CCSER1: variants seen among roughly 807,000 people sequenced by gnomAD.
The protein encoded by CCSER1 is coiled-coil serine rich protein 1.
A neutral mutation model predicts 82.0 loss-of-function variants in CCSER1; 41 were observed. The ratio of observed to expected loss-of-function variants is 0.50; its 90% CI spans 0.39 to 0.65. CCSER1 has a LOEUF of 0.65. CCSER1 is among the 30% of genes least tolerant of loss of function. The pLI is 0.00. For missense variants in CCSER1, 1,119 were observed against 1,064.2 expected (o/e 1.05, Z -0.72); for synonymous variants, 414 against 383.9 (o/e 1.08, Z -0.92).
At chr4:90,409,561 T>C (rs1754342382) in intron 4 of CCSER1, among the ~76,000 whole-genome samples, 1 of 152,116 alleles carries the variant, frequency 6.6e-6, no homozygotes, top group South Asian at 2.1e-4. Flanking sequence ...AATAAAATCC[T>C]TTACATACAA....
intron 10 of CCSER1, among the ~76,000 whole-genome samples, chr4:91,535,477 CA>C (rs1761250733): frequency 9.1e-6 from 1 of 109,552 alleles, no homozygotes; most frequent in Non-Finnish European, 1.8e-5. Flanking sequence ...AAATAAAAAA[CA>C]ACAAGAATAA....
chr4:90,691,630 A>G (rs553259304), intron 6 of CCSER1, among the ~76,000 whole-genome samples: 15 of 149,584 alleles, frequency 1.0e-4, no homozygotes, highest in East Asian at 5.8e-4. Context: ...ATGTGTATGT[A>G]TATATATCAC....
In CCSER1 at chr4:91,133,010, T is replaced by C. The variant is rs543554341; in HGVS notation, c.2217+47016T>C. On this transcript the variant is annotated intron_variant, in intron 10 of 10. Transcript: ENST00000509176. Reference sequence around the variant, plus strand: ...ATTTTGTCAGGGCTTTATTTATGTTTGAAACAAATTCATTAGCATAGGGAA... The same window carrying C: ...ATTTTGTCAGGGCTTTATTTATGTTCGAAACAAATTCATTAGCATAGGGAA... Among the ~76,000 whole-genome samples the C allele has an allele frequency of 3.9e-5, 6 of 152,346 alleles. No individual in the cohort carries two copies. In the East Asian group the frequency reaches 9.6e-4, roughly 24 times the overall value.
intron 1 of CCSER1, among the ~76,000 whole-genome samples, chr4:90,157,427 C>G (rs1728463511): frequency 7.0e-6 from 1 of 143,674 alleles, no homozygotes; most frequent in Non-Finnish European, 1.6e-5. Context: ...GCCTGCCTTG[C>G]TAGATTGGGG....
At chr4:91,159,407 G>A (rs990980170) in intron 10 of CCSER1, among the ~76,000 whole-genome samples, 3 of 151,738 alleles carry the variant, frequency 2.0e-5, no homozygotes, top group Admixed American at 6.6e-5. Flanking sequence ...AGTGTTTTCC[G>A]ATAAAAATAT....
intron 10 of CCSER1, among the ~76,000 whole-genome samples, chr4:91,257,501 A>ACACACACACC (rs1288846438): frequency 2.1e-5 from 3 of 145,974 alleles, no homozygotes; most frequent in African/African-American, 7.6e-5. Flanking sequence ...ACACACACAC[A>ACACACACACC]CCCATTTCTG....
intron 10 of CCSER1, among the ~76,000 whole-genome samples, chr4:91,540,589 T>C (rs924425452): frequency 1.4e-4 from 21 of 152,190 alleles, no homozygotes; most frequent in African/African-American, 4.3e-4. Context: ...ATTTCTTTTA[T>C]AGATTGTGCC....
chr4:91,026,047 A>G (rs1740461392), intron 9 of CCSER1, among the ~76,000 whole-genome samples: 2 of 152,246 alleles, frequency 1.3e-5, no homozygotes, highest in Non-Finnish European at 2.9e-5. Flanking sequence ...ACTTGTTAGT[A>G]TCCTGTAAAT....
At chr4:91,213,561 CT>C (rs112376963) in intron 10 of CCSER1, among the ~76,000 whole-genome samples, 8,718 of 152,226 alleles carry the variant, frequency 0.057, 497 homozygotes, top group African/African-American at 0.15. Context: ...AGACATTGCA[CT>C]TTAAGTGGCA....
chr4:91,195,764 C>T (rs1473041632), intron 10 of CCSER1, among the ~76,000 whole-genome samples: 1 of 152,172 alleles, frequency 6.6e-6, no homozygotes, highest in Non-Finnish European at 1.5e-5. Flanking sequence ...TCTCTCACAT[C>T]ATTCTGCGTG....
intron 3 of CCSER1, among the ~76,000 whole-genome samples, chr4:90,351,091 A>G (rs1398543294): frequency 2.6e-5 from 4 of 152,312 alleles, no homozygotes; most frequent in Non-Finnish European, 5.9e-5. Flanking sequence ...AGATATTAAA[A>G]TATATAAAGC....
At chr4:91,174,528 G>T (rs990830498) in intron 10 of CCSER1, among the ~76,000 whole-genome samples, 25 of 151,716 alleles carry the variant, frequency 1.6e-4, no homozygotes, top group Non-Finnish European at 7.4e-5. Context: ...ATGTGCCATG[G>T]TGCTTTGCTG....
chr4:90,134,199 A>C (rs1723275776), intron 1 of CCSER1, among the ~76,000 whole-genome samples: 1 of 152,230 alleles, frequency 6.6e-6, no homozygotes, highest in South Asian at 2.1e-4. Context: ...TAAACTATAT[A>C]GACCAAACTT....
In CCSER1 at chr4:90,864,254, G is replaced by T. The variant is rs180729445; in HGVS notation, c.2094+48409G>T. On this transcript the variant is annotated intron_variant, in intron 8 of 10. Coordinates refer to ENST00000509176, the MANE Select transcript of CCSER1 (RefSeq NM_001145065.2). ...TGTGATAAACAGATTCTTTTATTCT[G>T]CAATGTTTGTCAGAAAAGAAAGAAG... 8.6e-5 allele frequency among the ~76,000 whole-genome samples: 13 copies of T among 151,796 alleles called. No homozygotes were observed. The East Asian group carries it at 9.7e-4, about 11-fold the overall frequency.
chr4:91,337,602 C>G (rs1037955687), intron 10 of CCSER1, among the ~76,000 whole-genome samples: 1 of 151,990 alleles, frequency 6.6e-6, no homozygotes, highest in African/African-American at 2.4e-5. Flanking sequence ...TCATCCTGTT[C>G]CTAGTTCCTC....
At chr4:91,374,853 AG>A (rs1750291953) in intron 10 of CCSER1, among the ~76,000 whole-genome samples, 1 of 152,164 alleles carries the variant, frequency 6.6e-6, no homozygotes, top group Non-Finnish European at 1.5e-5. Flanking sequence ...AAAATTAGCC[AG>A]GCATGGTGGT....
chr4:90,903,850 A>AAT (rs1725043965), intron 8 of CCSER1, among the ~76,000 whole-genome samples: 1 of 151,738 alleles, frequency 6.6e-6, no homozygotes, highest in East Asian at 1.9e-4. Context: ...AAAAAAAAAA[A>AAT]ATAGGTAAGA....
chr4:90,493,438 A>G (rs1768414310), intron 5 of CCSER1, among the ~76,000 whole-genome samples: 1 of 152,162 alleles, frequency 6.6e-6, no homozygotes. Context: ...CCTCGAGAAG[A>G]GCAACTCCAA....
chr4:90,246,067 TC>T (rs1275362613), intron 1 of CCSER1, among the ~76,000 whole-genome samples: 5 of 152,198 alleles, frequency 3.3e-5, no homozygotes, highest in Admixed American at 1.3e-4. Flanking sequence ...AGCCAGTTGA[TC>T]AACTGACATC....
Sources: gnomAD v4.1 joint callset for allele counts (sites outside exome capture counted in the v4.1 genomes callset) on GRCh38, gnomAD v4.1.1 for gene constraint, MANE v1.5 for transcripts, NCBI Gene and HGNC (gene_info 2026-07-23, HGNC 2026-07-21) for gene names.